The following SLC35F1 variants were observed in gnomAD, a reference collection of about 807,000 sequenced individuals.
The protein encoded by SLC35F1 is solute carrier family 35 member F1.
SLC35F1 carries 14 observed loss-of-function variants against 48.7 expected under a neutral mutation model. The ratio of observed to expected loss-of-function variants is 0.29; its 90% CI spans 0.19 to 0.45. The LOEUF is 0.45. Ranked by LOEUF, SLC35F1 falls within the 20% of genes least tolerant of loss-of-function variation. The probability of loss-of-function intolerance (pLI) is 1.00; values close to 1 mark genes in which losing one functional copy is unlikely to be tolerated. For synonymous variants in SLC35F1, 190 were observed against 202.2 expected (o/e 0.94, Z 0.51); for missense variants, 404 against 500.0 (o/e 0.81, Z 1.83).
intron 3 of SLC35F1, among the ~76,000 whole-genome samples, chr6:118,248,139 GA>G (rs1030279874): frequency 6.6e-6 from 1 of 152,156 alleles, no homozygotes; most frequent in African/African-American, 2.4e-5. Context: ...GTGTTTGGAT[GA>G]GTGAATTCCA....
At chr6:117,920,219 C>T (rs1214013186) in intron 1 of SLC35F1, among the ~76,000 whole-genome samples, 1 of 151,826 alleles carries the variant, frequency 6.6e-6, no homozygotes, top group Non-Finnish European at 1.5e-5. Flanking sequence ...ACGGGGAGGG[C>T]GTGCGCGAGC....
At chr6:118,180,480 G>A (rs1416159561) in intron 2 of SLC35F1, among the ~76,000 whole-genome samples, 1 of 151,902 alleles carries the variant, frequency 6.6e-6, no homozygotes, top group Non-Finnish European at 1.5e-5. Flanking sequence ...TATGACACGG[G>A]AGAAAGAGAT....
chr6:118,186,110 TG>T (rs1482791295), intron 2 of SLC35F1, among the ~76,000 whole-genome samples: 1 of 152,112 alleles, frequency 6.6e-6, no homozygotes, highest in Non-Finnish European at 1.5e-5. Flanking sequence ...TATGACCTCC[TG>T]GGCCTCTCTG....
chr6:118,236,649 G>A (rs565460593), intron 3 of SLC35F1, among the ~76,000 whole-genome samples: 1 of 152,274 alleles, frequency 6.6e-6, no homozygotes, highest in East Asian at 1.9e-4. Context: ...AGTAATTAAT[G>A]GTAGCATTTT....
chr6:118,048,997 T>C (rs1273333204), intron 1 of SLC35F1, among the ~76,000 whole-genome samples: 1 of 152,114 alleles, frequency 6.6e-6, no homozygotes, highest in African/African-American at 2.4e-5. Flanking sequence ...AACAGCATAG[T>C]ACTGGTACCA....
chr6:117,924,052 T>C (rs1201568086), intron 1 of SLC35F1, among the ~76,000 whole-genome samples: 1 of 146,294 alleles, frequency 6.8e-6, no homozygotes, highest in Non-Finnish European at 1.5e-5. Context: ...CATGCATATG[T>C]ATATACACAC....
At chr6:118,182,792 A>G (rs1185958605) in intron 2 of SLC35F1, among the ~76,000 whole-genome samples, 1 of 152,156 alleles carries the variant, frequency 6.6e-6, no homozygotes, top group African/African-American at 2.4e-5. Flanking sequence ...TGACATTATT[A>G]TTTTCATATA....
At chr6:118,085,864 C>T (rs1270675639) in intron 1 of SLC35F1, among the ~76,000 whole-genome samples, 1 of 152,058 alleles carries the variant, frequency 6.6e-6, no homozygotes, top group East Asian at 1.9e-4. Context: ...AAGGACCTGT[C>T]CAGTCCTGAA....
intron 1 of SLC35F1, among the ~76,000 whole-genome samples, chr6:118,006,024 C>A (rs890926699): frequency 9.2e-5 from 14 of 152,226 alleles, no homozygotes; most frequent in African/African-American, 3.4e-4. Flanking sequence ...ATTATAATTA[C>A]AATTGATTTA....
intron 1 of SLC35F1, among the ~76,000 whole-genome samples, chr6:118,061,368 T>C (rs756472784): frequency 9.2e-5 from 14 of 152,168 alleles, no homozygotes; most frequent in Non-Finnish European, 1.8e-4. Context: ...TTGGCCCCAG[T>C]TCCTGTCCTT....
At chr6:118,152,963 A>G (rs540716023) in intron 1 of SLC35F1, among the ~76,000 whole-genome samples, 1 of 152,344 alleles carries the variant, frequency 6.6e-6, no homozygotes, top group Non-Finnish European at 1.5e-5. Flanking sequence ...GATTGAATTC[A>G]GAGGTCAGGA....
At chr6:118,092,445 C>A (rs1460958064) in intron 1 of SLC35F1, among the ~76,000 whole-genome samples, 2 of 152,194 alleles carry the variant, frequency 1.3e-5, no homozygotes, top group Non-Finnish European at 2.9e-5. Context: ...TCATGGAGAA[C>A]CTCTGCTAGG....
intron 2 of SLC35F1, among the ~76,000 whole-genome samples, chr6:118,207,979 G>A (rs1279131190): frequency 1.3e-5 from 2 of 152,194 alleles, no homozygotes; most frequent in East Asian, 1.9e-4. Flanking sequence ...TAGAAAGCTG[G>A]AAGTCATAAG....
intron 6 of SLC35F1, among the ~76,000 whole-genome samples, chr6:118,281,768 C>G (rs1022545488): frequency 2.0e-5 from 3 of 152,212 alleles, no homozygotes; most frequent in Non-Finnish European, 4.4e-5. Flanking sequence ...CATTTGAACA[C>G]CTTTGTAACT....
intron 1 of SLC35F1, among the ~76,000 whole-genome samples, chr6:118,068,349 T>C (rs773836975): frequency 5.3e-5 from 8 of 152,236 alleles, no homozygotes; most frequent in Non-Finnish European, 1.2e-4. Context: ...AGCCGCAGTA[T>C]GGTTTCTGTG....
chr6:118,147,685 C>T (rs1433414536), intron 1 of SLC35F1, among the ~76,000 whole-genome samples: 1 of 152,128 alleles, frequency 6.6e-6, no homozygotes, highest in East Asian at 1.9e-4. Context: ...CTTCTGTAAA[C>T]ATAAAACATA....
At position 118,305,402 on chromosome 6, in the gene SLC35F1, T is replaced by C. The variant is rs923079488; in HGVS notation, c.1003-8626T>C. On this transcript the variant is annotated intron_variant, in intron 7 of 7. Coordinates refer to ENST00000360388, the MANE Select transcript of SLC35F1 (RefSeq NM_001029858.4). ...TCACAGAAACATCTGTTTTGTCCAA[T>C]ACCTAGGTACTGTGTCCCAGCCAAG... Among the ~76,000 whole-genome samples the C allele has an allele frequency of 2.6e-5, 4 of 152,062 alleles. No homozygotes were observed. The East Asian group carries it at 7.7e-4, about 29-fold the overall frequency.
intron 1 of SLC35F1, among the ~76,000 whole-genome samples, chr6:117,987,021 T>G (rs190629089): frequency 6.6e-6 from 1 of 152,290 alleles, no homozygotes; most frequent in East Asian, 1.9e-4. Context: ...GGCATTCAGA[T>G]AAACTGCCAG....
intron 1 of SLC35F1, among the ~76,000 whole-genome samples, chr6:118,140,308 C>T (rs575148232): frequency 5.5e-4 from 83 of 152,274 alleles, no homozygotes; most frequent in Admixed American, 2.1e-3. Context: ...TGATGGACGG[C>T]ACATATAACA....
Sources: gnomAD v4.1 joint callset for allele counts (sites outside exome capture counted in the v4.1 genomes callset) on GRCh38, gnomAD v4.1.1 for gene constraint, MANE v1.5 for transcripts, NCBI Gene and HGNC (gene_info 2026-07-23, HGNC 2026-07-21) for gene names.